The following JMJD1C variants were observed in gnomAD, a reference collection of about 807,000 sequenced individuals.
JMJD1C encodes jumonji domain containing 1C, also known as jumonji domain-containing protein 1C.
A neutral mutation model predicts 245.3 loss-of-function variants in JMJD1C; 31 were observed. That is an observed-to-expected ratio of 0.13 (90% confidence interval 0.09 to 0.17). The LOEUF is 0.17. Ranked by LOEUF, JMJD1C falls within the 10% of genes least tolerant of loss-of-function variation. The probability of loss-of-function intolerance (pLI) is 1.00; values close to 1 mark genes in which losing one functional copy is unlikely to be tolerated. For missense variants in JMJD1C, 2,691 were observed against 3,000.2 expected (o/e 0.90, Z 2.41); for synonymous variants, 1,057 against 1,017.4 (o/e 1.04, Z -0.74).
rs56248546 is a variant in JMJD1C at position 63,188,081 on chromosome 10, G to T, written c.6570+1087C>A. Among the ~76,000 whole-genome samples, 7 of 152,208 alleles carry T rather than the reference G, an allele frequency of 4.6e-5. No individual in the cohort carries two copies. In the East Asian group the frequency reaches 1.4e-3, roughly 29 times the overall value. On this transcript the variant is annotated intron_variant, in intron 18 of 25. Coordinates refer to ENST00000399262, the MANE Select transcript of JMJD1C (RefSeq NM_032776.3). ...CAAAAAACTTCACTTAACCTCTAAG[G>T]AATCAATTTAGACTAGCCTTTTTGA... is the stretch of plus-strand genomic sequence containing the variant.
intron 2 of JMJD1C, among the ~76,000 whole-genome samples, chr10:63,329,288 AAAAGAAAG>A (rs549092911): frequency 5.3e-5 from 8 of 151,800 alleles, no homozygotes; most frequent in Non-Finnish European, 8.8e-5. Context: ...TCAAAAAAAA[AAAAGAAAG>A]AAAGAAAGAA....
At chr10:63,426,836 CA>C (rs1356353332) in intron 1 of JMJD1C, among the ~76,000 whole-genome samples, 1 of 151,942 alleles carries the variant, frequency 6.6e-6, no homozygotes, top group Non-Finnish European at 1.5e-5. Context: ...ATATTTTCTC[CA>C]AAAGAGAAAA....
At chr10:63,392,003 T>C (rs1280868933) in intron 1 of JMJD1C, among the ~76,000 whole-genome samples, 3 of 152,194 alleles carry the variant, frequency 2.0e-5, no homozygotes, top group South Asian at 4.1e-4. Context: ...CAGTGTAACA[T>C]GTATTTAAAA....
chr10:63,471,706 T>C (rs543718374), intron 1 of JMJD1C, among the ~76,000 whole-genome samples: 1 of 152,314 alleles, frequency 6.6e-6, no homozygotes, highest in South Asian at 2.1e-4. Context: ...AACTGCTTCT[T>C]TCCTCTGCTT....
chr10:63,462,631 G>C (rs1156603456), intron 1 of JMJD1C, among the ~76,000 whole-genome samples: 1 of 152,168 alleles, frequency 6.6e-6, no homozygotes, highest in Non-Finnish European at 1.5e-5. Flanking sequence ...GAGTTAGAAG[G>C]AGATGACTAG....
At chr10:63,437,084 A>C (rs1951097249) in intron 1 of JMJD1C, among the ~76,000 whole-genome samples, 1 of 152,150 alleles carries the variant, frequency 6.6e-6, no homozygotes, top group African/African-American at 2.4e-5. Flanking sequence ...TTTTCCAGCC[A>C]AACCCCAATC....
chr10:63,186,823 A>G, intron 18 of JMJD1C, among the ~76,000 whole-genome samples: 1 of 152,222 alleles, frequency 6.6e-6, no homozygotes, highest in East Asian at 1.9e-4. Flanking sequence ...TTTTAAACAA[A>G]TTCCTGTACT....
At chr10:63,171,090 C>A (rs1321118888) in intron 24 of JMJD1C, among the ~76,000 whole-genome samples, 2 of 152,092 alleles carry the variant, frequency 1.3e-5, no homozygotes, top group Non-Finnish European at 2.9e-5. Context: ...AGAATTACAA[C>A]TTTACAATTT....
chr10:63,285,973 A>G (rs1347480024), intron 2 of JMJD1C, among the ~76,000 whole-genome samples: 1 of 152,220 alleles, frequency 6.6e-6, no homozygotes, highest in Admixed American at 6.5e-5. Context: ...ACAAAATGAC[A>G]TCATTCAAGG....
chr10:63,427,421 G>A (rs925708462), intron 1 of JMJD1C: 17 of 1,118,800 alleles, frequency 1.5e-5, no homozygotes, highest in East Asian at 2.6e-5. Flanking sequence ...ACAGTACACC[G>A]GGAGGTGACT....
chr10:63,273,581 T>G (rs1856526478), intron 2 of JMJD1C, among the ~76,000 whole-genome samples: 1 of 152,200 alleles, frequency 6.6e-6, no homozygotes, highest in Non-Finnish European at 1.5e-5. Context: ...TTAAATTGAT[T>G]GTTCTTATGG....
rs1851905124 is a variant in JMJD1C at position 63,244,426 on chromosome 10, G to C, written c.447+20225C>G. Among the ~76,000 whole-genome samples the C allele has an allele frequency of 2.6e-5, 4 of 152,196 alleles. No individual in the cohort carries two copies. In the South Asian group the frequency reaches 8.3e-4, roughly 32 times the overall value. Reference sequence around the variant, plus strand: ...AAGGTAAATTATTTAAAAAGTCTAAGCAAAAATATCTAATTAAAGCCAAAA... The same window carrying C: ...AAGGTAAATTATTTAAAAAGTCTAACCAAAAATATCTAATTAAAGCCAAAA... On this transcript the variant is annotated intron_variant, in intron 3 of 25. Transcript: ENST00000399262.
chr10:63,521,568 G>C, intron 1 of JMJD1C: 1 of 1,427,998 alleles, frequency 7.0e-7, no homozygotes, highest in East Asian at 3.1e-5. Flanking sequence ...ATGATCTCCA[G>C]AGCCGTGGTG....
intron 2 of JMJD1C, among the ~76,000 whole-genome samples, chr10:63,357,642 A>G (rs756071920): frequency 1.3e-5 from 2 of 152,156 alleles, no homozygotes; most frequent in African/African-American, 2.4e-5. Flanking sequence ...AGATATTTGT[A>G]TTTATTTTTC....
At chr10:63,400,640 G>C (rs1409530907) in intron 1 of JMJD1C, among the ~76,000 whole-genome samples, 1 of 151,958 alleles carries the variant, frequency 6.6e-6, no homozygotes, top group Non-Finnish European at 1.5e-5. Flanking sequence ...TTGGCTCACT[G>C]CAACCTCTGC....
chr10:63,414,886 G>A (rs1267557772), intron 1 of JMJD1C, among the ~76,000 whole-genome samples: 6 of 143,472 alleles, frequency 4.2e-5, no homozygotes, highest in Non-Finnish European at 7.5e-5. Flanking sequence ...CAGCCTGGGC[G>A]ATACAGCAAG....
rs1047511435 is a variant in JMJD1C, at chr10:63,439,605, C to T, written c.168+25890G>A. ...ATTTCTATTGAACCACCTCAGTTTA[C>T]ACGGATGGTTTTTAAGGCCTTATTT... On this transcript the variant is annotated intron_variant, in intron 1 of 25. Transcript: ENST00000399262. 6.6e-5 allele frequency among the ~76,000 whole-genome samples: 10 copies of T among 152,234 alleles called. No homozygotes were observed. In the South Asian group the frequency reaches 2.1e-3, roughly 32 times the overall value.
At chr10:63,312,423 A>G (rs943879142) in intron 2 of JMJD1C, among the ~76,000 whole-genome samples, 1 of 152,176 alleles carries the variant, frequency 6.6e-6, no homozygotes, top group Non-Finnish European at 1.5e-5. Context: ...GCTAAATATT[A>G]AACATATCTG....
intron 1 of JMJD1C, among the ~76,000 whole-genome samples, chr10:63,424,497 CTTTT>C (rs59823871): frequency 4.4e-4 from 45 of 103,356 alleles, no homozygotes; most frequent in African/African-American, 1.4e-3. Flanking sequence ...ATTATTATTT[CTTTT>C]TTTTTTTTTT....
Sources: gnomAD v4.1 joint callset for allele counts (sites outside exome capture counted in the v4.1 genomes callset) on GRCh38, gnomAD v4.1.1 for gene constraint, MANE v1.5 for transcripts, NCBI Gene and HGNC (gene_info 2026-07-23, HGNC 2026-07-21) for gene names.